The following SHFL variants were observed in gnomAD, a reference collection of about 807,000 sequenced individuals.
SHFL encodes the protein shiftless antiviral inhibitor of ribosomal frameshifting, also known as shiftless antiviral inhibitor of ribosomal frameshifting protein.
Under a neutral mutation model 34.7 loss-of-function variants are expected in SHFL, and 12 were observed. The ratio of observed to expected loss-of-function variants is 0.35; its 90% CI spans 0.22 to 0.56. The LOEUF is 0.56. Ranked by LOEUF, SHFL falls within the 20% of genes least tolerant of loss-of-function variation. SHFL has a pLI of 0.88. For synonymous variants in SHFL, 148 were observed against 156.0 expected, an observed-to-expected ratio of 0.95 and a Z score of 0.38; for missense variants, 278 against 411.1, an observed-to-expected ratio of 0.68 and a Z score of 2.80.
Position 10,090,012 on chromosome 19 carries a change from C to A in SHFL, c.349C>A (p.His117Asn). ...GCAGTTTGCCTGCTCCTCCTGCGAC[C>A]ACGTCTGGTGGCGCCGCGTGCCCCA... is the stretch of plus-strand genomic sequence containing the variant. The part of the protein sequence containing the change: ...DRQFACSSCD[H>N]VWWRRVPQRK... The change falls in exon 5 of 8, where the codon CAC becomes AAC. Residue 117 changes from histidine (H) to asparagine (N), a missense_variant. This residue lies in a region of SHFL where 243 missense variants were observed against 386.2 expected (regional missense o/e 0.63). Coordinates refer to ENST00000253110, the MANE Select transcript of SHFL (RefSeq NM_018381.4). The A allele has an allele frequency of 6.2e-7, 1 of 1,607,284 alleles. No homozygotes were observed. Among genetic ancestry groups the A allele is most frequent in the Non-Finnish European group, 8.5e-7 (1 of 1,177,362 alleles).
rs924079668 is a variant in SHFL at position 10,093,236 on chromosome 19, T to C, written c.*934T>C. 6 of 1,365,984 alleles carry C rather than the reference T, an allele frequency of 4.4e-6. No individual in the cohort carries two copies. The highest frequency in any genetic ancestry group is 5.0e-6 in the Non-Finnish European group (5 of 1,001,042). The allele number at this position is 1,365,984 out of a possible 1,614,324, so 84.6% of individuals were successfully genotyped here. On this transcript the variant is annotated 3_prime_UTR_variant, in exon 8 of 8. Transcript: ENST00000253110. ...TCTCTTGACGGAATAAAAGCTTGCT[T>C]ATCCTTATACTTACCAGAGGGGCGT...
In SHFL at chr19:10,091,261, C is replaced by T; in HGVS notation, c.396C>T (p.Cys132=). Residue 132 remains cysteine, a synonymous_variant, in exon 6 of 8, where the codon TGC becomes TGT. Transcript: ENST00000253110. This position sits in a 1 kb window ranked among gnomAD's most constrained non-coding sequence, Gnocchi z 8.2. ...CCCACCACCACCAGGTATCCCGGTG[C>T]CGGAAATGCCGGAAGCGCTACGAGC... ...RVPQRKEVSR[C]RKCRKRYEPV... is the part of the protein sequence containing the mutation. 6.2e-7 allele frequency: 1 copy of T among 1,613,746 alleles called. No homozygotes were observed. Among genetic ancestry groups the T allele is most frequent in the South Asian group, 1.1e-5 (1 of 91,056 alleles).
At chr19:10,089,584 G>A (rs1356271511) in intron 3 of SHFL, 73 bp from the exon 4 acceptor site, 6 of 1,544,106 alleles carry the variant, frequency 3.9e-6, no homozygotes, top group Non-Finnish European at 5.3e-6. Flanking sequence ...GCGGCCGGGG[G>A]CCTCCCCCAG....
intron 2 of SHFL, 37 bp downstream of exon 2, chr19:10,087,089 CGCGCGTGGGAGCGCCGAGGG>C (rs769772858): frequency 2.5e-6 from 4 of 1,599,738 alleles, no homozygotes; most frequent in Non-Finnish European, 3.4e-6. Context: ...GTGCGGGGAC[CGCGCGTGGGAGCGCCGAGGG>C]GGCGTGGTCT....
Position 10,092,136 on chromosome 19 carries a change from T to C in SHFL, c.710T>C (p.Val237Ala), listed in dbSNP as rs1290826848. The C allele has an allele frequency of 1.2e-6, 2 of 1,613,642 alleles. No individual in the cohort carries two copies. Among genetic ancestry groups the C allele is most frequent in the Non-Finnish European group, 8.5e-7 (1 of 1,179,792 alleles). ...KSRKQNHLPK[V>A]LHPSNPHISS... is the part of the protein sequence containing the mutation. ...CGGAAGCAGAACCACCTGCCCAAAG[T>C]GCTCCACCCCAGCAACCCTCACATT... Residue 237 changes from valine to alanine, a missense_variant, in exon 8 of 8, where the codon GTG becomes GCG. This residue lies in a region of SHFL where 243 missense variants were observed against 386.2 expected (regional missense o/e 0.63). Coordinates refer to ENST00000253110, the MANE Select transcript of SHFL (RefSeq NM_018381.4).
At chr19:10,089,080 A>G in intron 3 of SHFL, 2 of 568,324 alleles carry the variant, frequency 3.5e-6, no homozygotes, top group Non-Finnish European at 6.2e-6. Flanking sequence ...ACCCCAGGAG[A>G]CAGGTCCTAT....
chr19:10,088,955 TAATA>T (rs1568463573), intron 3 of SHFL: 2 of 90,126 alleles, frequency 2.2e-5, no homozygotes, highest in Non-Finnish European at 2.4e-5. Flanking sequence ...CTCAAAAATA[TAATA>T]ATAATAATAA....
chr19:10,091,147 C>A lies in SHFL; in HGVS notation c.385-103C>A. ...CACTGATTGAGTTGGGTTGCTCAAG[C>A]TGAGGCCAGCCGCTGCAGCACACTG... On this transcript the variant is annotated intron_variant, in intron 5 of 7. Transcript: ENST00000253110. This position sits in a 1 kb window ranked among gnomAD's most constrained non-coding sequence, Gnocchi z 8.2. 1 of 963,074 alleles carries A rather than the reference C, an allele frequency of 1.0e-6. No individual in the cohort carries two copies. The highest frequency in any genetic ancestry group is 2.2e-5 in the Admixed American group (1 of 45,714). 59.7% of individuals were successfully genotyped at this position (963,074 alleles called of 1,614,324 possible). A position where few individuals can be genotyped will look rare whatever the true frequency, so the allele number is the denominator to read the frequency against.
Position 10,091,681 on chromosome 19 carries a change from C to T in SHFL, c.643+51C>T. 1.3e-6 allele frequency: 2 copies of T among 1,486,854 alleles called. No homozygotes were observed. The highest frequency in any genetic ancestry group is 9.0e-7 in the Non-Finnish European group (1 of 1,111,464). 92.1% of individuals were successfully genotyped at this position (1,486,854 alleles called of 1,614,324 possible). ...TGGACAGTCTTTGTCCCCTTCTGTG[C>T]CTTTAAGTCCCCAAATCTCCACTCA... On this transcript the variant is annotated intron_variant, in intron 7 of 7. Transcript: ENST00000253110. This position sits in a 1 kb window ranked among gnomAD's most constrained non-coding sequence, Gnocchi z 8.2.
In SHFL at chr19:10,086,803, C is replaced by T; in HGVS notation, c.22-126C>T. ...GGAAATGCCGTAAAGGGATGAAAGG[C>T]GGGGGGGGGGCGGCGGAGGCCAAAA... On this transcript the variant is annotated intron_variant, in intron 1 of 7. Coordinates refer to ENST00000253110, the MANE Select transcript of SHFL (RefSeq NM_018381.4). This position sits in a 1 kb window ranked among gnomAD's most constrained non-coding sequence, Gnocchi z 5.2. 1 of 994,958 alleles carries T rather than the reference C, an allele frequency of 1.0e-6. No homozygotes were observed. Among genetic ancestry groups the T allele is most frequent in the Non-Finnish European group, 1.4e-6 (1 of 710,740 alleles). The allele number at this position is 994,958 out of a possible 1,614,324, so 61.6% of individuals were successfully genotyped here.
intron 5 of SHFL, among the ~76,000 whole-genome samples, chr19:10,090,623 T>C (rs1026676700): frequency 1.3e-5 from 2 of 151,680 alleles, no homozygotes; most frequent in African/African-American, 4.8e-5. Flanking sequence ...TGTGTGTGTG[T>C]GTGGAGATGG....
chr19:10,090,866 A>G (rs1014183515), intron 5 of SHFL, among the ~76,000 whole-genome samples: 5 of 151,508 alleles, frequency 3.3e-5, no homozygotes, highest in African/African-American at 1.2e-4. Flanking sequence ...CATGATCACA[A>G]CACTGCATTC....
At position 10,091,635 on chromosome 19, in the gene SHFL, G is replaced by C; in HGVS notation, c.643+5G>C. ...CCGACTGCTACAACCGGCGAGGTGA[G>C]GCTCTTCTCCCCCAACAGCCTGGAC... On this transcript the variant is annotated splice_donor_5th_base_variant and intron_variant, in intron 7 of 7. Coordinates refer to ENST00000253110, the MANE Select transcript of SHFL (RefSeq NM_018381.4). This position sits in a 1 kb window ranked among gnomAD's most constrained non-coding sequence, Gnocchi z 8.2. 1 of 1,545,670 alleles carries C rather than the reference G, an allele frequency of 6.5e-7. No homozygotes were observed.
chr19:10,086,743 C>G lies in SHFL; in HGVS notation c.22-186C>G. 1 of 737,292 alleles carries G rather than the reference C, an allele frequency of 1.4e-6. No homozygotes were observed. The highest frequency in any genetic ancestry group is 2.2e-6 in the Non-Finnish European group (1 of 458,954). The allele number at this position is 737,292 out of a possible 1,614,324, so 45.7% of individuals were successfully genotyped here. A position where few individuals can be genotyped will look rare whatever the true frequency, so the allele number is the denominator to read the frequency against. On this transcript the variant is annotated intron_variant, in intron 1 of 7. Coordinates refer to ENST00000253110, the MANE Select transcript of SHFL (RefSeq NM_018381.4). This position sits in a 1 kb window ranked among gnomAD's most constrained non-coding sequence, Gnocchi z 5.2. ...GGACGCTCGCCCCAGTCCGCGCCTTCCCCCAACGCCCTGTGGGGACTTTGG... is the reference window on the plus strand; with the variant it reads ...GGACGCTCGCCCCAGTCCGCGCCTTGCCCCAACGCCCTGTGGGGACTTTGG...
Position 10,087,029 on chromosome 19 carries a change from G to A in SHFL, c.122G>A (p.Gly41Glu). The change falls in exon 2 of 8, where the codon GGA becomes GAA. Residue 41 changes from glycine (G) to glutamate (E), a missense_variant. Around this residue, in one of 2 missense-constraint regions of SHFL, gnomAD observed 243 missense variants for 386.2 expected, o/e 0.63. Transcript: ENST00000253110. ...AGGAAATTCGGCAGCGACCACACGG[G>A]AGTGGGGCGCTCCATCGTGTACGGT... ...LMRKFGSDHT[G>E]VGRSIVYGVK... is the part of the protein sequence containing the mutation. 1 of 1,612,588 alleles carries A rather than the reference G, an allele frequency of 6.2e-7. No individual in the cohort carries two copies. The highest frequency in any genetic ancestry group is 8.5e-7 in the Non-Finnish European group (1 of 1,179,340).
intron 5 of SHFL, 118 bp downstream of exon 5, chr19:10,090,165 C>A: frequency 8.6e-7 from 1 of 1,158,232 alleles, no homozygotes; most frequent in Non-Finnish European, 1.2e-6. Context: ...CAATCCCTGA[C>A]CTCCAAACTC....
intron 3 of SHFL, chr19:10,089,097 T>C (rs1292044277): frequency 1.3e-5 from 8 of 604,332 alleles, no homozygotes; most frequent in Non-Finnish European, 2.0e-5. Flanking sequence ...CTATTATTTA[T>C]CCCCATTTCA....
rs772957680 is a variant in SHFL at position 10,086,401 on chromosome 19, C to G, written c.-27C>G. The G allele has an allele frequency of 7.5e-7, 1 of 1,327,440 alleles. No homozygotes were observed. Among genetic ancestry groups the G allele is most frequent in the African/African-American group, 1.5e-5 (1 of 66,338 alleles). 82.2% of individuals were successfully genotyped at this position (1,327,440 alleles called of 1,614,324 possible). A position where few individuals can be genotyped will look rare whatever the true frequency, so the allele number is the denominator to read the frequency against. On this transcript the variant is annotated 5_prime_UTR_variant, in exon 1 of 8. Transcript: ENST00000253110. This position sits in a 1 kb window ranked among gnomAD's most constrained non-coding sequence, Gnocchi z 5.2. ...GCGGCTGAGCCGCGCAGTGCGGACC[C>G]TCGCGGGGAACTGCGCCGCCGCCAC...
Position 10,086,956 on chromosome 19 carries a change from G to A in SHFL, c.49G>A (p.Glu17Lys). ...ELEKSVRRLR[E>K]KFHGKVSSKK... ...GGAGAAGAGCGTCCGGCGCCTCCGG[G>A]AGAAGTTTCATGGGAAGGTATCCTC... is the stretch of plus-strand genomic sequence containing the variant. The change falls in exon 2 of 8, where the codon GAG becomes AAG. Residue 17 changes from glutamate to lysine, a missense_variant. This residue lies in a region of SHFL where 243 missense variants were observed against 386.2 expected (regional missense o/e 0.63). Coordinates refer to ENST00000253110, the MANE Select transcript of SHFL (RefSeq NM_018381.4). This position sits in a 1 kb window ranked among gnomAD's most constrained non-coding sequence, Gnocchi z 5.2. 1 of 1,613,790 alleles carries A rather than the reference G, an allele frequency of 6.2e-7. No homozygotes were observed. The highest frequency in any genetic ancestry group is 8.5e-7 in the Non-Finnish European group (1 of 1,179,818).
Sources: gnomAD v4.1 joint callset for allele counts (sites outside exome capture counted in the v4.1 genomes callset) on GRCh38, gnomAD v4.1.1 for gene constraint, gnomAD v4.1.1 regional missense constraint, Gnocchi (gnomAD v3.1) non-coding constraint, MANE v1.5 for transcripts, NCBI Gene and HGNC (gene_info 2026-07-23, HGNC 2026-07-21) for gene names.